The following FGFR1 variants were observed in gnomAD, a reference collection of about 807,000 sequenced individuals.
FGFR1 encodes FGFR1/PLAG1 fusion.
A neutral mutation model predicts 93.7 loss-of-function variants in FGFR1; 18 were observed. The ratio of observed to expected loss-of-function variants is 0.19; its 90% CI spans 0.13 to 0.28. FGFR1 has a LOEUF of 0.28. Ranked by LOEUF, FGFR1 falls within the 10% of genes least tolerant of loss-of-function variation. The probability of loss-of-function intolerance (pLI) is 1.00; values close to 1 mark genes in which losing one functional copy is unlikely to be tolerated. For missense variants in FGFR1, 731 were observed against 1,080.4 expected (o/e 0.68, Z 4.53); for synonymous variants, 448 against 429.3 (o/e 1.04, Z -0.54).
chr8:38,418,612 C>T (rs908933942), intron 9 of FGFR1: 1 of 573,414 alleles, frequency 1.7e-6, no homozygotes, highest in Non-Finnish European at 3.1e-6. Flanking sequence ...ATAAGCAGAC[C>T]AAATGCACCT....
chr8:38,452,192 GACACACAGACACACACAC>G (rs1210161988), intron 2 of FGFR1, among the ~76,000 whole-genome samples: 23 of 91,578 alleles, frequency 2.5e-4, no homozygotes, highest in African/African-American at 3.8e-4. Context: ...CAGACACACA[GACACACAGACACACACAC>G]ACACACACAC....
chr8:38,467,626 C>T (rs1835836360), intron 1 of FGFR1: 1 of 234,928 alleles, frequency 4.3e-6, no homozygotes. Context: ...CAGGAAACCG[C>T]GGGCCTCGCC....
At chr8:38,439,721 TTC>T (rs1351759674) in intron 2 of FGFR1, among the ~76,000 whole-genome samples, 1 of 152,112 alleles carries the variant, frequency 6.6e-6, no homozygotes, top group African/African-American at 2.4e-5. Flanking sequence ...GCCTTTCTCC[TTC>T]TCTCTCTCCA....
At chr8:38,431,325 T>C (rs988401604) in intron 2 of FGFR1, among the ~76,000 whole-genome samples, 4 of 152,174 alleles carry the variant, frequency 2.6e-5, no homozygotes, top group African/African-American at 9.7e-5. Flanking sequence ...CTCCCCCTCC[T>C]GGCACCTGTC....
intron 2 of FGFR1, among the ~76,000 whole-genome samples, chr8:38,443,418 G>A (rs1478805960): frequency 1.3e-5 from 2 of 151,702 alleles, no homozygotes; most frequent in East Asian, 1.9e-4. Context: ...CCAATACTTC[G>A]GGAGGCTGAG....
At chr8:38,446,779 G>T (rs528635827) in intron 2 of FGFR1, among the ~76,000 whole-genome samples, 14 of 152,252 alleles carry the variant, frequency 9.2e-5, no homozygotes, top group Non-Finnish European at 1.8e-4. Context: ...TGAAGCTTTT[G>T]ATATGTTTAC....
At chr8:38,465,913 G>C (rs545905760) in intron 1 of FGFR1, 21 of 226,282 alleles carry the variant, frequency 9.3e-5, no homozygotes, top group Non-Finnish European at 1.5e-4. Flanking sequence ...CACGTCTAGA[G>C]AAAGTGCGAT....
intron 9 of FGFR1, chr8:38,418,654 G>A (rs533748183): frequency 2.4e-5 from 12 of 505,080 alleles, no homozygotes; most frequent in African/African-American, 1.9e-4. Context: ...ACTGATCATT[G>A]CAGTAACAAC....
In FGFR1 at chr8:38,411,324, A is replaced by T. The variant is rs1446124184; in HGVS notation, c.*2304T>A. ...CATCCCTTCACACAACATTGCTTCA[A>T]GGTAGGGCCAAGGCAGAAATTATCA... On this transcript the variant is annotated 3_prime_UTR_variant, in exon 18 of 18. Coordinates refer to ENST00000447712, the MANE Select transcript of FGFR1 (RefSeq NM_023110.3). The T allele has an allele frequency of 9.4e-6, 2 of 213,388 alleles. No individual in the cohort carries two copies. Among genetic ancestry groups the T allele is most frequent in the African/African-American group, 4.5e-5 (2 of 44,254 alleles). 13.2% of individuals were successfully genotyped at this position (213,388 alleles called of 1,614,324 possible).
In FGFR1 at chr8:38,416,062, T is replaced by C. The variant is rs2150592876; in HGVS notation, c.1664-2A>G. The C allele has an allele frequency of 6.2e-7, 1 of 1,609,866 alleles. No homozygotes were observed. The highest frequency in any genetic ancestry group is 1.1e-5 in the South Asian group (1 of 90,584). ...ACTCCACGATGACATACAAGGGACC[T>C]GCAGGCACAGGAGAAGAGGCCATGG... On this transcript the variant is annotated splice_acceptor_variant, in intron 12 of 17. Coordinates refer to ENST00000447712, the MANE Select transcript of FGFR1 (RefSeq NM_023110.3). LOFTEE classifies it high-confidence loss of function.
At chr8:38,418,558 T>C (rs944499429) in intron 9 of FGFR1, 185 bp from the exon 10 acceptor site, 10 of 657,718 alleles carry the variant, frequency 1.5e-5, no homozygotes, top group Middle Eastern at 4.2e-4. Context: ...GACTGACCTA[T>C]TTCTGCCACA....
intron 2 of FGFR1, chr8:38,434,335 T>TA (rs1036547144): frequency 5.1e-6 from 1 of 197,728 alleles, no homozygotes; most frequent in African/African-American, 2.4e-5. Flanking sequence ...GCTGCTTTTT[T>TA]TTTTTTTTTT....
At chr8:38,425,532 G>A (rs1820442442) in intron 6 of FGFR1, among the ~76,000 whole-genome samples, 1 of 152,186 alleles carries the variant, frequency 6.6e-6, no homozygotes, top group Non-Finnish European at 1.5e-5. Context: ...CTGGCTGAGA[G>A]ATTCTGTACC....
chr8:38,441,670 G>C (rs891872831), intron 2 of FGFR1, among the ~76,000 whole-genome samples: 19 of 152,202 alleles, frequency 1.2e-4, no homozygotes, highest in African/African-American at 4.6e-4. Context: ...TGCGGCTATG[G>C]AGGAGGGCCG....
At chr8:38,460,928 T>C (rs1416202815) in intron 1 of FGFR1, among the ~76,000 whole-genome samples, 1 of 152,074 alleles carries the variant, frequency 6.6e-6, no homozygotes, top group Non-Finnish European at 1.5e-5. Context: ...GCCTTGCAGG[T>C]GTACACAGCA....
chr8:38,447,413 T>C (rs1829704620), intron 2 of FGFR1, among the ~76,000 whole-genome samples: 1 of 152,224 alleles, frequency 6.6e-6, no homozygotes, highest in Non-Finnish European at 1.5e-5. Flanking sequence ...ATTATGGTCA[T>C]AAAACCTATG....
At chr8:38,433,935 C>T (rs1239138564) in intron 2 of FGFR1, among the ~76,000 whole-genome samples, 3 of 152,202 alleles carry the variant, frequency 2.0e-5, no homozygotes, top group Non-Finnish European at 4.4e-5. Context: ...CATCCCCTAT[C>T]CCCAGTCTAA....
chr8:38,426,348 G>A lies in FGFR1; in HGVS notation c.622-103C>T, dbSNP rs971396177. 10 of 1,522,414 alleles carry A rather than the reference G, an allele frequency of 6.6e-6. No individual in the cohort carries two copies. Among genetic ancestry groups the A allele is most frequent in the Non-Finnish European group, 8.1e-6 (9 of 1,109,280 alleles). The allele number at this position is 1,522,414 out of a possible 1,614,324, so 94.3% of individuals were successfully genotyped here. On this transcript the variant is annotated intron_variant, in intron 5 of 17. Coordinates refer to ENST00000447712, the MANE Select transcript of FGFR1 (RefSeq NM_023110.3). This position sits in a 1 kb window ranked among gnomAD's most constrained non-coding sequence, Gnocchi z 4.1. Reference sequence around the variant, plus strand: ...GCACCTGCCCTCCATATCAGAGCCTGGTGGCACAGGGCCCCAGGCTGCAGG... The same window carrying A: ...GCACCTGCCCTCCATATCAGAGCCTAGTGGCACAGGGCCCCAGGCTGCAGG...
At chr8:38,434,602 C>T in intron 2 of FGFR1, 1 of 245,522 alleles carries the variant, frequency 4.1e-6, no homozygotes, top group Non-Finnish European at 8.4e-6. Context: ...TTCACTTAGA[C>T]ATTCTTTTCC....
Sources: allele counts gnomAD v4.1 joint callset (sites outside exome capture counted in the v4.1 genomes callset), GRCh38; gene constraint gnomAD v4.1.1; non-coding constraint Gnocchi (gnomAD v3.1); transcripts MANE v1.5; gene names NCBI Gene and HGNC (gene_info 2026-07-23, HGNC 2026-07-21).